MRPL14: variants seen among roughly 807,000 people sequenced by gnomAD.
MRPL14 encodes the protein mitochondrial ribosomal protein L14, also known as large ribosomal subunit protein uL14m.
MRPL14 carries 8 observed loss-of-function variants against 10.9 expected under a neutral mutation model. The ratio of observed to expected loss-of-function variants is 0.74; its 90% CI spans 0.43 to 1.33. The LOEUF is 1.33. MRPL14 is among the 40% of genes most tolerant of loss of function. MRPL14 has a pLI of 0.01. For missense variants in MRPL14, 179 were observed against 194.5 expected (o/e 0.92, Z 0.47); for synonymous variants, 82 against 74.1 (o/e 1.11, Z -0.54).
In MRPL14 at chr6:44,113,760, T is replaced by C. The variant is rs1365058285; in HGVS notation, c.*83A>G. 1.4e-6 allele frequency: 2 copies of C among 1,438,458 alleles called. No homozygotes were observed. Among genetic ancestry groups the C allele is most frequent in the Admixed American group, 2.3e-5 (1 of 43,720 alleles). The allele number at this position is 1,438,458 out of a possible 1,614,324, so 89.1% of individuals were successfully genotyped here. A position where few individuals can be genotyped will look rare whatever the true frequency, so the allele number is the denominator to read the frequency against. On this transcript the variant is annotated 3_prime_UTR_variant, in exon 3 of 3. Transcript: ENST00000372014. ...ACCCAGTGTGAAGGGAGCAGCCATGTGGCTCCCAAGCTCCCTTAGCAAAAG... is the reference window on the plus strand; with the variant it reads ...ACCCAGTGTGAAGGGAGCAGCCATGCGGCTCCCAAGCTCCCTTAGCAAAAG...
Position 44,127,451 on chromosome 6 carries a change from A to T in MRPL14, c.-126T>A, listed in dbSNP as rs916289775. ...CTGCGCGCCAGGCCCAGCCCGGCGG[A>T]CGCGATCTGAGAGTGCGCGCGCACC... On this transcript the variant is annotated 5_prime_UTR_variant, in exon 1 of 3. Transcript: ENST00000372014. The T allele has an allele frequency of 1.3e-5, 2 of 151,404 alleles. No individual in the cohort carries two copies. Among genetic ancestry groups the T allele is most frequent in the Non-Finnish European group, 2.9e-5 (2 of 67,834 alleles). 9.4% of individuals were successfully genotyped at this position (151,404 alleles called of 1,614,324 possible).
chr6:44,120,011 A>G (rs1191469564), intron 1 of MRPL14, among the ~76,000 whole-genome samples: 1 of 152,094 alleles, frequency 6.6e-6, no homozygotes, highest in Non-Finnish European at 1.5e-5. Context: ...TGACTCAGGT[A>G]TCATCACAAA....
intron 1 of MRPL14, among the ~76,000 whole-genome samples, chr6:44,117,083 C>G (rs1325321230): frequency 6.6e-6 from 1 of 152,202 alleles, no homozygotes; most frequent in Non-Finnish European, 1.5e-5. Flanking sequence ...TCTAAGCAGC[C>G]ACCCAAGTTG....
intron 2 of MRPL14, 94 bp downstream of exon 2, chr6:44,116,447 G>T (rs774121768): frequency 1.6e-6 from 2 of 1,282,976 alleles, no homozygotes; most frequent in Non-Finnish European, 2.3e-6. Context: ...CCACCTCCCT[G>T]AGTTTTTACT....
rs188509650 is a variant in MRPL14, at chr6:44,122,343, A to G, written c.-19+5001T>C. On this transcript the variant is annotated intron_variant, in intron 1 of 2. Transcript: ENST00000372014. ...CGTGATCCGCCTGCCTCGGCCTCCC[A>G]AAGTGCTGGGATTACAGGCATGAGC... is the stretch of plus-strand genomic sequence containing the variant. Among the ~76,000 whole-genome samples the G allele has an allele frequency of 1.9e-4, 29 of 152,232 alleles. No homozygotes were observed. In the East Asian group the frequency reaches 5.4e-3, roughly 28 times the overall value.
chr6:44,115,854 C>T (rs767324717), intron 2 of MRPL14, among the ~76,000 whole-genome samples: 84 of 152,268 alleles, frequency 5.5e-4, no homozygotes, highest in Non-Finnish European at 1.1e-3. Context: ...TTCTCCTCCT[C>T]TTCCTCCACT....
At chr6:44,121,835 C>T (rs1051545985) in intron 1 of MRPL14, among the ~76,000 whole-genome samples, 18 of 151,660 alleles carry the variant, frequency 1.2e-4, no homozygotes, top group Non-Finnish European at 2.2e-4. Context: ...AGCTACAGCC[C>T]GGCTGAGGCA....
chr6:44,114,830 C>T (rs540385672), intron 2 of MRPL14, among the ~76,000 whole-genome samples: 1 of 152,244 alleles, frequency 6.6e-6, no homozygotes, highest in South Asian at 2.1e-4. Context: ...AGGATGGTCT[C>T]GATCTCCTGA....
chr6:44,125,358 AT>A (rs1776856937), intron 1 of MRPL14, among the ~76,000 whole-genome samples: 2 of 152,200 alleles, frequency 1.3e-5, no homozygotes, highest in Admixed American at 6.5e-5. Flanking sequence ...ATAAAAACAT[AT>A]AAAAAATGCC....
rs1009039732 is a variant in MRPL14 at position 44,127,438 on chromosome 6, C to G, written c.-113G>C. 1.3e-5 allele frequency: 2 copies of G among 152,034 alleles called. No homozygotes were observed. Among genetic ancestry groups the G allele is most frequent in the East Asian group, 1.9e-4 (1 of 5,148 alleles). 9.4% of individuals were successfully genotyped at this position (152,034 alleles called of 1,614,324 possible). ...CTCTTCCTAGCGCCTGCGCGCCAGG[C>G]CCAGCCCGGCGGACGCGATCTGAGA... On this transcript the variant is annotated 5_prime_UTR_variant, in exon 1 of 3. Coordinates refer to ENST00000372014, the MANE Select transcript of MRPL14 (RefSeq NM_032111.4).
intron 1 of MRPL14, among the ~76,000 whole-genome samples, chr6:44,118,695 T>G (rs996536935): frequency 2.0e-5 from 3 of 152,216 alleles, no homozygotes; most frequent in Admixed American, 6.5e-5. Context: ...CCGGGCACGG[T>G]GGCTCACGCC....
chr6:44,115,265 T>C (rs1047311816), intron 2 of MRPL14, among the ~76,000 whole-genome samples: 1 of 152,048 alleles, frequency 6.6e-6, no homozygotes, highest in Admixed American at 6.6e-5. Context: ...CAGCCCCGCC[T>C]CTCTTCTATA....
At chr6:44,118,703 G>A (rs1246303047) in intron 1 of MRPL14, among the ~76,000 whole-genome samples, 4 of 152,306 alleles carry the variant, frequency 2.6e-5, no homozygotes, top group East Asian at 1.9e-4. Context: ...GGTGGCTCAC[G>A]CCTGTAATCC....
At chr6:44,125,653 T>C (rs1776914151) in intron 1 of MRPL14, among the ~76,000 whole-genome samples, 2 of 30,110 alleles carry the variant, frequency 6.6e-5, no homozygotes, top group South Asian at 1.1e-3. Flanking sequence ...AGAGACTGTC[T>C]CAAAAAAAAA....
At chr6:44,119,720 A>C (rs2128197108) in intron 1 of MRPL14, among the ~76,000 whole-genome samples, 1 of 152,332 alleles carries the variant, frequency 6.6e-6, no homozygotes, top group Admixed American at 6.5e-5. Context: ...AAAAAACAAC[A>C]AAACAAAACT....
intron 1 of MRPL14, among the ~76,000 whole-genome samples, chr6:44,122,374 C>T (rs1202961094): frequency 2.6e-5 from 4 of 152,146 alleles, no homozygotes; most frequent in Non-Finnish European, 4.4e-5. Flanking sequence ...TGAGCCACCG[C>T]GCCCTGCCAG....
Position 44,113,733 on chromosome 6 carries a change from T to C in MRPL14, c.*110A>G. On this transcript the variant is annotated 3_prime_UTR_variant, in exon 3 of 3. Transcript: ENST00000372014. ...TATTCTCTCACAGGATACTACACTG[T>C]TACCCAGTGTGAAGGGAGCAGCCAT... The C allele has an allele frequency of 1.8e-6, 2 of 1,114,762 alleles. No homozygotes were observed. Among genetic ancestry groups the C allele is most frequent in the South Asian group, 1.7e-5 (1 of 59,484 alleles). The allele number at this position is 1,114,762 out of a possible 1,614,324, so 69.1% of individuals were successfully genotyped here. A position where few individuals can be genotyped will look rare whatever the true frequency, so the allele number is the denominator to read the frequency against.
chr6:44,116,471 C>T, intron 2 of MRPL14, 70 bp downstream of exon 2: 1 of 1,488,266 alleles, frequency 6.7e-7, no homozygotes, highest in Non-Finnish European at 9.4e-7. Context: ...GTTCTAGTCA[C>T]CGTAATACCC....
intron 1 of MRPL14, among the ~76,000 whole-genome samples, chr6:44,120,220 C>T (rs77518248): frequency 0.04 from 6,044 of 152,286 alleles, 189 homozygotes; most frequent in Non-Finnish European, 0.063. Flanking sequence ...AACACTGGGA[C>T]ATCCTTGTGC....
Sources: allele counts gnomAD v4.1 joint callset (sites outside exome capture counted in the v4.1 genomes callset), GRCh38; gene constraint gnomAD v4.1.1; transcripts MANE v1.5; gene names NCBI Gene and HGNC (gene_info 2026-07-23, HGNC 2026-07-21).